Variants in DHRS4L2 observed in about 807,000 individuals in gnomAD.
DHRS4L2 encodes the protein dehydrogenase/reductase 4 like 2, also known as dehydrogenase/reductase SDR family member 4-like 2.
Under a neutral mutation model 23.9 loss-of-function variants are expected in DHRS4L2, and 22 were observed. The observed-to-expected ratio is 0.92, with a 90% CI of 0.66 to 1.31. The LOEUF (loss-of-function observed/expected upper bound fraction) is 1.31, where lower values mean the gene tolerates loss of function less well. Ranked by LOEUF, DHRS4L2 falls within the 40% of genes most tolerant of loss-of-function variation. The pLI, the probability that DHRS4L2 is intolerant of heterozygous loss-of-function variation, is 0.00. For synonymous variants in DHRS4L2, 141 were observed against 123.7 expected (o/e 1.14, Z -0.93); for missense variants, 385 against 303.3 (o/e 1.27, Z -2.00).
At chr14:23,991,760 G>C (rs1336883833) in intron 2 of DHRS4L2, among the ~76,000 whole-genome samples, 1 of 145,694 alleles carries the variant, frequency 6.9e-6, no homozygotes, top group African/African-American at 2.6e-5. Flanking sequence ...TTTTGAGACA[G>C]AGTTTCATTC....
At chr14:23,999,233 A>G (rs1365123895) in intron 3 of DHRS4L2, among the ~76,000 whole-genome samples, 1 of 150,436 alleles carries the variant, frequency 6.6e-6, no homozygotes, top group Admixed American at 6.6e-5. Context: ...AATAATGGAA[A>G]GGTCTGAAAT....
At chr14:23,998,792 T>C (rs1488107462) in intron 3 of DHRS4L2, among the ~76,000 whole-genome samples, 2 of 149,472 alleles carry the variant, frequency 1.3e-5, no homozygotes, top group South Asian at 2.1e-4. Flanking sequence ...TGCTTTCTTA[T>C]CATTTATATG....
chr14:23,990,986 G>A, intron 2 of DHRS4L2: 2 of 710,230 alleles, frequency 2.8e-6, no homozygotes, highest in Non-Finnish European at 3.5e-6. Context: ...AAGTACATAA[G>A]TCAATGTCAT....
chr14:23,973,984 C>T (rs1468451711), intron 1 of DHRS4L2, among the ~76,000 whole-genome samples: 2 of 151,184 alleles, frequency 1.3e-5, no homozygotes, highest in East Asian at 1.9e-4. Flanking sequence ...CTAAAATTGA[C>T]CACATAATTG....
intron 3 of DHRS4L2, among the ~76,000 whole-genome samples, chr14:23,999,058 G>T (rs569906571): frequency 6.7e-6 from 1 of 149,514 alleles, no homozygotes; most frequent in Non-Finnish European, 1.5e-5. Flanking sequence ...GAATATGGAG[G>T]TCCACAGAGA....
Position 23,990,197 on chromosome 14 carries a change from C to T in DHRS4L2, c.144C>T (p.Ile48=), listed in dbSNP as rs769548882. The T allele has an allele frequency of 5.0e-6, 8 of 1,612,802 alleles. No individual in the cohort carries two copies. The highest frequency in any genetic ancestry group is 1.7e-4 in the Middle Eastern group (1 of 6,058). The change falls in exon 2 of 8, where the codon ATC becomes ATT. Residue 48 remains isoleucine, a synonymous_variant. Transcript: ENST00000335125. ...CTGCTCACAGGATCGGCTTCGCCAT[C>T]GCCCGGCGTTTGGCCCAGGACAGGG... ...TASTDGIGFA[I]ARRLAQDRAH...
At chr14:23,970,415 C>T in intron 1 of DHRS4L2, 2 of 367,392 alleles carry the variant, frequency 5.4e-6, no homozygotes, top group Non-Finnish European at 1.1e-5. Context: ...TCCTCCATTG[C>T]TAAGGCTTCA....
chr14:23,972,367 C>T (rs917746026), intron 1 of DHRS4L2, among the ~76,000 whole-genome samples: 2 of 151,824 alleles, frequency 1.3e-5, no homozygotes, highest in African/African-American at 4.8e-5. Flanking sequence ...TTGTTCGTTC[C>T]TCCTGTCTGG....
intron 1 of DHRS4L2, among the ~76,000 whole-genome samples, chr14:23,980,810 T>C (rs2034037474): frequency 1.3e-5 from 2 of 151,524 alleles, no homozygotes; most frequent in African/African-American, 4.8e-5. Flanking sequence ...TATCTCAAAA[T>C]AGTAAGAGTT....
rs9499 is a variant in DHRS4L2, at chr14:24,006,177, C to T, written c.*314C>T. The T allele has an allele frequency of 0.014, 18,451 of 1,311,456 alleles. 814 individuals are homozygous for T. In the East Asian group the frequency reaches 0.16, roughly 11 times the overall value. The allele number at this position is 1,311,456 out of a possible 1,614,324, so 81.2% of individuals were successfully genotyped here. A position where few individuals can be genotyped will look rare whatever the true frequency, so the allele number is the denominator to read the frequency against. On this transcript the variant is annotated 3_prime_UTR_variant, in exon 8 of 8. Transcript: ENST00000335125. The stretch of plus-strand genomic sequence containing the variant: ...TCAAGGTGGCGTCTTACTCGGGATT[C>T]CTGCTGTTGTTGTGGCCTTGGGTAA...
rs540198604 is a variant in DHRS4L2 at position 23,997,764 on chromosome 14, C to G, written c.408+2631C>G. On this transcript the variant is annotated intron_variant, in intron 3 of 7. Transcript: ENST00000335125. ...CTGCAGTTCCTTCCTCTGATGCAGT[C>G]TTGAACCCTTCCACGTCATCCATGA... Among the ~76,000 whole-genome samples the G allele has an allele frequency of 1.2e-4, 18 of 151,584 alleles. 1 individual carries two copies. The highest frequency in any genetic ancestry group is 7.9e-4 in the Admixed American group (12 of 15,264).
rs1256740339 is a variant in DHRS4L2, at chr14:23,994,325, T to C, written c.307-707T>C. 1.3e-4 allele frequency among the ~76,000 whole-genome samples: 20 copies of C among 151,438 alleles called. 2 individuals are homozygous for C. In the East Asian group the frequency reaches 1.9e-3, roughly 15 times the overall value. ...TGAAATCATGAGAATGAAGGAGCTT[T>C]CCAAAGGGAAAGTGTAAAGAAAAGA... On this transcript the variant is annotated intron_variant, in intron 2 of 7. Transcript: ENST00000335125.
At chr14:23,976,313 T>G (rs949004932) in intron 1 of DHRS4L2, among the ~76,000 whole-genome samples, 1 of 151,802 alleles carries the variant, frequency 6.6e-6, no homozygotes, top group African/African-American at 2.4e-5. Flanking sequence ...CAGAAACTTC[T>G]CAAAAGAAGA....
intron 1 of DHRS4L2, among the ~76,000 whole-genome samples, chr14:23,972,317 C>T (rs964401786): frequency 1.3e-5 from 2 of 151,940 alleles, no homozygotes; most frequent in Non-Finnish European, 2.9e-5. Context: ...TGCGGACCTT[C>T]GCAGTGAGTG....
chr14:23,975,011 G>A (rs1171714074), intron 1 of DHRS4L2, among the ~76,000 whole-genome samples: 1 of 151,682 alleles, frequency 6.6e-6, no homozygotes, highest in Non-Finnish European at 1.5e-5. Context: ...ATAAAATACT[G>A]GCAAACCGAA....
chr14:23,991,480 C>A (rs1247782305), intron 2 of DHRS4L2, among the ~76,000 whole-genome samples: 1 of 151,726 alleles, frequency 6.6e-6, no homozygotes, highest in African/African-American at 2.4e-5. Context: ...ACAACCTGTG[C>A]CCCCCACCAG....
intron 1 of DHRS4L2, among the ~76,000 whole-genome samples, chr14:23,970,847 G>C (rs1288639889): frequency 1.3e-5 from 2 of 152,016 alleles, no homozygotes; most frequent in Non-Finnish European, 2.9e-5. Flanking sequence ...GTCTGGAATG[G>C]ACTTCCAGCA....
intron 1 of DHRS4L2, among the ~76,000 whole-genome samples, chr14:23,980,941 G>A (rs1354113667): frequency 6.6e-6 from 1 of 151,652 alleles, no homozygotes; most frequent in East Asian, 1.9e-4. Flanking sequence ...CATACTATTG[G>A]AAGTTTTCTA....
chr14:23,990,216 G>A lies in DHRS4L2; in HGVS notation c.163G>A (p.Asp55Asn). 1.2e-6 allele frequency: 2 copies of A among 1,612,884 alleles called. No homozygotes were observed. The highest frequency in any genetic ancestry group is 1.7e-6 in the Non-Finnish European group (2 of 1,179,380). Residue 55 changes from aspartate to asparagine, a missense_variant, in exon 2 of 8, where the codon GAC becomes AAC. Coordinates refer to ENST00000335125, the MANE Select transcript of DHRS4L2 (RefSeq NM_198083.4). ...CGCCATCGCCCGGCGTTTGGCCCAG[G>A]ACAGGGCCCACGTGGTCGTCAGCAG... ...GFAIARRLAQDRAHVVVSSRK... is the reference protein window; with the variant it reads ...GFAIARRLAQNRAHVVVSSRK...
Sources: gnomAD v4.1 joint callset for allele counts (sites outside exome capture counted in the v4.1 genomes callset) on GRCh38, gnomAD v4.1.1 for gene constraint, MANE v1.5 for transcripts, NCBI Gene and HGNC (gene_info 2026-07-23, HGNC 2026-07-21) for gene names.